The following ANO4 variants were observed in gnomAD, a reference collection of about 807,000 sequenced individuals.
ANO4 encodes the protein anoctamin 4.
Under a neutral mutation model 141.9 loss-of-function variants are expected in ANO4, and 69 were observed. The ratio of observed to expected loss-of-function variants is 0.49; its 90% CI spans 0.40 to 0.59. The LOEUF is 0.59. Among genes scored for constraint, ANO4 ranks in the 20% least tolerant of loss-of-function variants. The pLI is 0.00. For missense variants in ANO4, 894 were observed against 1,162.2 expected (o/e 0.77, Z 3.36); for synonymous variants, 350 against 394.3 (o/e 0.89, Z 1.33).
At chr12:100,828,155 A>G (rs1347421603) in intron 1 of ANO4, among the ~76,000 whole-genome samples, 3 of 152,026 alleles carry the variant, frequency 2.0e-5, no homozygotes, top group African/African-American at 4.8e-5. Context: ...AGTCTGGTCT[A>G]CCTACCTTCA....
At chr12:100,995,950 A>G (rs934414821) in intron 8 of ANO4, among the ~76,000 whole-genome samples, 1 of 152,238 alleles carries the variant, frequency 6.6e-6, no homozygotes, top group Non-Finnish European at 1.5e-5. Context: ...TTGATGCAGC[A>G]TCTAAAAACT....
intron 9 of ANO4, among the ~76,000 whole-genome samples, chr12:101,031,372 A>G (rs2046966406): frequency 6.6e-6 from 1 of 152,254 alleles, no homozygotes; most frequent in Non-Finnish European, 1.5e-5. Context: ...AAGGCCTTCA[A>G]TAAAATTCAA....
chr12:101,041,879 C>T (rs930443769), intron 11 of ANO4, among the ~76,000 whole-genome samples: 15 of 152,132 alleles, frequency 9.9e-5, no homozygotes, highest in African/African-American at 3.4e-4. Context: ...CACAACCAAG[C>T]CTTGAGTAGA....
intron 3 of ANO4, among the ~76,000 whole-genome samples, chr12:100,934,093 T>G (rs1463240374): frequency 1.3e-5 from 2 of 152,222 alleles, no homozygotes; most frequent in Non-Finnish European, 2.9e-5. Context: ...CAGAACCTCT[T>G]TAGTTTAATT....
intron 14 of ANO4, chr12:101,066,764 C>T (rs1393593209): frequency 1.1e-6 from 1 of 951,652 alleles, no homozygotes; most frequent in Non-Finnish European, 1.7e-6. Context: ...GCTGCAGCAG[C>T]AGGAGGAGGA....
At chr12:100,874,515 T>C (rs191645352) in intron 1 of ANO4, among the ~76,000 whole-genome samples, 7 of 152,232 alleles carry the variant, frequency 4.6e-5, no homozygotes, top group African/African-American at 1.4e-4. Context: ...TTAAGTTTTT[T>C]TATTTTTTAT....
chr12:100,975,678 C>T (rs1003961811), intron 7 of ANO4, among the ~76,000 whole-genome samples: 2 of 151,716 alleles, frequency 1.3e-5, no homozygotes, highest in African/African-American at 2.4e-5. Context: ...TGACCTCAGG[C>T]GATCCGCCCA....
intron 1 of ANO4, among the ~76,000 whole-genome samples, chr12:100,817,331 C>A (rs1041674333): frequency 3.3e-5 from 5 of 151,838 alleles, no homozygotes; most frequent in African/African-American, 1.2e-4. Flanking sequence ...CCAGCAGACA[C>A]AACCTAGAGT....
chr12:101,072,267 C>T (rs988770651), intron 14 of ANO4, among the ~76,000 whole-genome samples: 2 of 152,144 alleles, frequency 1.3e-5, no homozygotes, highest in Admixed American at 6.6e-5. Context: ...GGAAGATATA[C>T]CTACTTCTTA....
intron 5 of ANO4, among the ~76,000 whole-genome samples, chr12:100,963,299 C>T (rs1208255807): frequency 3.9e-5 from 6 of 152,158 alleles, no homozygotes; most frequent in Non-Finnish European, 7.4e-5. Context: ...TAGAATGAGA[C>T]TAGAGCCTGG....
At chr12:100,887,385 A>G (rs1014101681) in intron 1 of ANO4, among the ~76,000 whole-genome samples, 1 of 152,186 alleles carries the variant, frequency 6.6e-6, no homozygotes, top group Non-Finnish European at 1.5e-5. Flanking sequence ...ATTTTTGTTG[A>G]CTGCCTAGGG....
At chr12:100,718,375 C>T (rs2030708035) in intron 1 of ANO4, among the ~76,000 whole-genome samples, 2 of 152,204 alleles carry the variant, frequency 1.3e-5, no homozygotes, top group Admixed American at 1.3e-4. Flanking sequence ...GACCTCCCTC[C>T]CTTCCTCTTG....
intron 1 of ANO4, among the ~76,000 whole-genome samples, chr12:100,797,206 A>G (rs1390350481): frequency 6.6e-6 from 1 of 151,776 alleles, no homozygotes; most frequent in Admixed American, 6.6e-5. Flanking sequence ...AATTGTATAT[A>G]CTTAAAAAAT....
rs190761471 is a variant in ANO4 at position 100,908,540 on chromosome 12, G to A, written c.55+6700G>A. Among the ~76,000 whole-genome samples the A allele has an allele frequency of 1.3e-4, 19 of 142,980 alleles. No homozygotes were observed. The South Asian group carries it at 4.3e-3, about 33-fold the overall frequency. The allele number at this position is 142,980 out of a possible 152,430, so 93.8% of individuals were successfully genotyped here. A position where few individuals can be genotyped will look rare whatever the true frequency, so the allele number is the denominator to read the frequency against. On this transcript the variant is annotated intron_variant, in intron 2 of 27. Coordinates refer to ENST00000392977, the MANE Select transcript of ANO4 (RefSeq NM_001286615.2). ...ATTAGAAACTTGTTATTTAAAAAAA[G>A]TATTTTTAAAACTCATATTATTCTG...
At chr12:100,997,110 C>T (rs1006424088) in intron 8 of ANO4, among the ~76,000 whole-genome samples, 6 of 151,864 alleles carry the variant, frequency 4.0e-5, no homozygotes, top group Admixed American at 1.3e-4. Flanking sequence ...CCGAGGCAGG[C>T]GGATCACGAG....
chr12:100,763,094 A>C (rs1462000490), intron 3 of ANO4, among the ~76,000 whole-genome samples: 1 of 152,208 alleles, frequency 6.6e-6, no homozygotes, highest in African/African-American at 2.4e-5. Flanking sequence ...GTCTGGTTAT[A>C]GTCATAGGGG....
intron 14 of ANO4, among the ~76,000 whole-genome samples, chr12:101,055,918 C>T (rs620413): frequency 0.68 from 102,741 of 151,870 alleles, 35,249 homozygotes; most frequent in East Asian, 0.89. Flanking sequence ...GTCAAAAACG[C>T]CGTTCTTTTC....
At position 100,981,130 on chromosome 12, in the gene ANO4, A is replaced by C. The variant is rs576121664; in HGVS notation, c.602+6241A>C. ...CAACTTATCAGATGAGCATACAGGCAAAAGGACAAAATGGCTTGTGTATTT... is the reference window on the plus strand; with the variant it reads ...CAACTTATCAGATGAGCATACAGGCCAAAGGACAAAATGGCTTGTGTATTT... On this transcript the variant is annotated intron_variant, in intron 7 of 27. Coordinates refer to ENST00000392977, the MANE Select transcript of ANO4 (RefSeq NM_001286615.2). Among the ~76,000 whole-genome samples the C allele has an allele frequency of 3.3e-5, 5 of 152,348 alleles. No individual in the cohort carries two copies. The East Asian group carries it at 9.6e-4, about 29-fold the overall frequency.
chr12:100,812,075 C>T (rs1175998054), intron 1 of ANO4, among the ~76,000 whole-genome samples: 2 of 152,124 alleles, frequency 1.3e-5, no homozygotes, highest in Non-Finnish European at 2.9e-5. Context: ...CTTCTCTCCC[C>T]CCACAGACTG....
Sources: allele counts gnomAD v4.1 joint callset (sites outside exome capture counted in the v4.1 genomes callset), GRCh38; gene constraint gnomAD v4.1.1; transcripts MANE v1.5; gene names NCBI Gene and HGNC (gene_info 2026-07-23, HGNC 2026-07-21).